Variants in AP2A1 observed in about 807,000 individuals in gnomAD.
AP2A1 encodes AP-2 complex subunit alpha-1.
Under a neutral mutation model 107.3 loss-of-function variants are expected in AP2A1, and 21 were observed. That is an observed-to-expected ratio of 0.20 (90% confidence interval 0.14 to 0.28). The LOEUF (loss-of-function observed/expected upper bound fraction) is 0.28. AP2A1 is among the 10% of genes least tolerant of loss of function. The pLI, the probability that AP2A1 is intolerant of heterozygous loss-of-function variation, is 1.00. For missense variants in AP2A1, 873 were observed against 1,307.7 expected, an observed-to-expected ratio of 0.67 and a Z score of 5.13; for synonymous variants, 602 against 564.8, an observed-to-expected ratio of 1.07 and a Z score of -0.93.
rs556287035 is a variant in AP2A1, at chr19:49,781,002, A to G, written c.68-755A>G. On this transcript the variant is annotated intron_variant, in intron 1 of 22. Transcript: ENST00000354293. ...AGTCTGGGGTGAGTGGAACAGGGAC[A>G]GGAGAAGCAGAGAGGGCAGCCGAGA... Among the ~76,000 whole-genome samples the G allele has an allele frequency of 9.9e-5, 15 of 152,238 alleles. No homozygotes were observed. In the East Asian group the frequency reaches 2.9e-3, roughly 29 times the overall value.
intron 4 of AP2A1, among the ~76,000 whole-genome samples, chr19:49,790,500 G>A (rs2073128479): frequency 6.6e-6 from 1 of 152,134 alleles, no homozygotes; most frequent in Non-Finnish European, 1.5e-5. Flanking sequence ...CCAGGCTAAA[G>A]CGATCCTCCC....
intron 4 of AP2A1, among the ~76,000 whole-genome samples, chr19:49,786,897 A>G (rs1324361231): frequency 1.3e-5 from 2 of 152,180 alleles, no homozygotes; most frequent in African/African-American, 2.4e-5. Flanking sequence ...GCCAGGGTCA[A>G]GGGGCCAGGG....
chr19:49,787,356 T>TTTTTTTTTTTTTTTTTTG (rs2084754148), intron 4 of AP2A1, among the ~76,000 whole-genome samples: 1 of 126,622 alleles, frequency 7.9e-6, no homozygotes, highest in Non-Finnish European at 1.6e-5. Flanking sequence ...TGTTTTTTGT[T>TTTTTTTTTTTTTTTTTTG]TTTTTTTTTT....
chr19:49,806,344 C>T (rs1479698685), intron 22 of AP2A1, 91 bp downstream of exon 22: 6 of 1,435,774 alleles, frequency 4.2e-6, no homozygotes, highest in Non-Finnish European at 4.6e-6. Context: ...CTTTAATTCA[C>T]GTCCCCACTT....
chr19:49,780,219 G>A (rs1333314335), intron 1 of AP2A1, among the ~76,000 whole-genome samples: 1 of 152,260 alleles, frequency 6.6e-6, no homozygotes. Context: ...AAGTTCGACA[G>A]TGGAGAGAAA....
At position 49,806,854 on chromosome 19, in the gene AP2A1, A is replaced by G. The variant is rs1265221861; in HGVS notation, c.*96A>G. On this transcript the variant is annotated 3_prime_UTR_variant, in exon 23 of 23. Transcript: ENST00000354293. ...TGGGGGACCTCCACTGGTGACAGAG[A>G]AGACACCAGGGTTTGGGGGATGCCT... 6.3e-7 allele frequency: 1 copy of G among 1,588,160 alleles called. No homozygotes were observed. The highest frequency in any genetic ancestry group is 1.1e-5 in the South Asian group (1 of 88,664).
intron 1 of AP2A1, among the ~76,000 whole-genome samples, chr19:49,775,972 G>C (rs2084613338): frequency 6.6e-6 from 1 of 152,140 alleles, no homozygotes; most frequent in African/African-American, 2.4e-5. Flanking sequence ...CCCCTAACCA[G>C]AAGCTCCAAG....
intron 6 of AP2A1, among the ~76,000 whole-genome samples, chr19:49,794,222 T>G (rs1426759595): frequency 2.0e-5 from 2 of 100,448 alleles, no homozygotes; most frequent in African/African-American, 3.6e-5. Context: ...CTTTCTCAGG[T>G]TTTTTTTTTT....
chr19:49,782,752 G>C (rs780355756), intron 4 of AP2A1, 28 bp downstream of exon 4: 20 of 1,557,308 alleles, frequency 1.3e-5, no homozygotes, highest in African/African-American at 1.1e-4. Flanking sequence ...CGTTGGCAGT[G>C]GGGGGCCTGG....
At position 49,795,691 on chromosome 19, in the gene AP2A1, G is replaced by T; in HGVS notation, c.767G>T (p.Trp256Leu). Residue 256 changes from tryptophan to leucine, a missense_variant, in exon 7 of 23, where the codon TGG becomes TTG. Coordinates refer to ENST00000354293, the MANE Select transcript of AP2A1 (RefSeq NM_130787.3). ...DYTYYFVPAPWLSVKLLRLLQ... is the reference protein window; with the variant it reads ...DYTYYFVPAPLLSVKLLRLLQ... ...ACCTACTACTTCGTCCCAGCACCCT[G>T]GCTCTCGGTGAAGCTCCTGCGGCTG... 6.4e-7 allele frequency: 1 copy of T among 1,568,544 alleles called. No individual in the cohort carries two copies.
intron 4 of AP2A1, among the ~76,000 whole-genome samples, chr19:49,791,553 C>T (rs887111622): frequency 1.3e-5 from 2 of 152,124 alleles, no homozygotes; most frequent in Admixed American, 6.6e-5. Context: ...TATGTGTTTT[C>T]GTGGTGCTGT....
rs533469731 is a variant in AP2A1, at chr19:49,795,124, C to T, written c.706-506C>T. Among the ~76,000 whole-genome samples the T allele has an allele frequency of 2.3e-4, 35 of 152,300 alleles. 1 individual carries two copies. The highest frequency in any genetic ancestry group is 7.2e-4 in the African/African-American group (30 of 41,556). On this transcript the variant is annotated intron_variant, in intron 6 of 22. Transcript: ENST00000354293. ...ACTACAGGAAACAGCCTCCAGGAGCCGGTGCGCTGTGTGCTCTGACGGAGG... is the reference window on the plus strand; with the variant it reads ...ACTACAGGAAACAGCCTCCAGGAGCTGGTGCGCTGTGTGCTCTGACGGAGG...
At chr19:49,798,735 C>T (rs2073241144) in intron 7 of AP2A1, 67 bp from the exon 8 acceptor site, 12 of 1,544,034 alleles carry the variant, frequency 7.8e-6, no homozygotes, top group Non-Finnish European at 1.0e-5. Context: ...GGGGCATGGC[C>T]ACCACCCCAG....
At chr19:49,786,645 G>A (rs1233768671) in intron 4 of AP2A1, among the ~76,000 whole-genome samples, 1 of 152,224 alleles carries the variant, frequency 6.6e-6, no homozygotes, top group Non-Finnish European at 1.5e-5. Flanking sequence ...TCAGGATCAG[G>A]CCATGACTCA....
chr19:49,792,752 C>G (rs2073162592), intron 5 of AP2A1, among the ~76,000 whole-genome samples: 6 of 152,130 alleles, frequency 3.9e-5, no homozygotes. Flanking sequence ...GCTCCTTACC[C>G]AGCTGCCTGG....
At chr19:49,800,221 C>T (rs897618513) in intron 11 of AP2A1, 71 bp downstream of exon 11, 30 of 1,492,578 alleles carry the variant, frequency 2.0e-5, no homozygotes, top group East Asian at 1.7e-4. Context: ...TGGCCGGGGC[C>T]GTGGCGCCTG....
chr19:49,803,743 T>A, intron 18 of AP2A1: 1 of 352,154 alleles, frequency 2.8e-6, no homozygotes, highest in Non-Finnish European at 5.5e-6. Flanking sequence ...TCAGGCCTGA[T>A]CTGGGCTGAG....
intron 1 of AP2A1, among the ~76,000 whole-genome samples, chr19:49,771,138 A>G (rs1394087367): frequency 6.6e-6 from 1 of 151,794 alleles, no homozygotes; most frequent in African/African-American, 2.4e-5. Context: ...GGTGTGAGCT[A>G]CCATGCCCGG....
intron 1 of AP2A1, among the ~76,000 whole-genome samples, chr19:49,781,247 T>C (rs1304457391): frequency 6.6e-6 from 1 of 151,848 alleles, no homozygotes; most frequent in Non-Finnish European, 1.5e-5. Context: ...GACAAAGCCA[T>C]GGCTGTGGGG....
Sources: allele counts gnomAD v4.1 joint callset (sites outside exome capture counted in the v4.1 genomes callset), GRCh38; gene constraint gnomAD v4.1.1; transcripts MANE v1.5; gene names NCBI Gene and HGNC (gene_info 2026-07-23, HGNC 2026-07-21).